Variants in CSMD2 observed in about 807,000 individuals in gnomAD.
CSMD2 encodes the protein CUB and Sushi multiple domains 2.
A neutral mutation model predicts 398.5 loss-of-function variants in CSMD2; 130 were observed. That is an observed-to-expected ratio of 0.33 (90% CI 0.28 to 0.38). The LOEUF is 0.38. Ranked by LOEUF, CSMD2 falls within the 10% of genes least tolerant of loss-of-function variation. The pLI is 1.00. For missense variants in CSMD2, 3,829 were observed against 4,764.9 expected, an observed-to-expected ratio of 0.80 and a Z score of 5.78; for synonymous variants, 1,828 against 1,908.5, an observed-to-expected ratio of 0.96 and a Z score of 1.10.
intron 3 of CSMD2, among the ~76,000 whole-genome samples, chr1:34,013,959 G>A (rs756578593): frequency 5.9e-5 from 9 of 152,016 alleles, no homozygotes; most frequent in Non-Finnish European, 8.8e-5. Context: ...CCTGATCTCC[G>A]CACCCCAAAC....
intron 66 of CSMD2, among the ~76,000 whole-genome samples, chr1:33,524,307 G>A (rs1005333773): frequency 2.0e-5 from 3 of 152,112 alleles, no homozygotes; most frequent in African/African-American, 7.2e-5. Flanking sequence ...ATTCATAAAT[G>A]TTTGACTCCC....
chr1:33,966,613 C>A (rs77125267), intron 3 of CSMD2, among the ~76,000 whole-genome samples: 1 of 151,964 alleles, frequency 6.6e-6, no homozygotes, highest in Non-Finnish European at 1.5e-5. Flanking sequence ...GAAAAGTAAG[C>A]GAGGGAGTCT....
chr1:33,591,621 T>G (rs2148769379), intron 44 of CSMD2, among the ~76,000 whole-genome samples: 1 of 152,236 alleles, frequency 6.6e-6, no homozygotes, highest in East Asian at 1.9e-4. Flanking sequence ...ACATGAGTGA[T>G]TCTTTTTATT....
At chr1:33,694,664 A>G (rs1351967676) in intron 24 of CSMD2, among the ~76,000 whole-genome samples, 2 of 152,216 alleles carry the variant, frequency 1.3e-5, no homozygotes, top group African/African-American at 4.8e-5. Context: ...CTGTGAGTCA[A>G]TTAAGCCTCT....
At chr1:33,790,314 C>T (rs1385390724) in intron 11 of CSMD2, among the ~76,000 whole-genome samples, 1 of 152,186 alleles carries the variant, frequency 6.6e-6, no homozygotes, top group African/African-American at 2.4e-5. Context: ...CTGAAATCGA[C>T]AGACTGAGTA....
intron 16 of CSMD2, 23 bp from the exon 17 acceptor site, chr1:33,725,559 C>G (rs1294656352): frequency 6.2e-7 from 1 of 1,610,998 alleles, no homozygotes. Flanking sequence ...AGAAATGAAG[C>G]CTTCTTGAGA....
intron 2 of CSMD2, among the ~76,000 whole-genome samples, 197 bp from the exon 3 acceptor site, chr1:34,032,903 CA>C (rs988945832): frequency 2.0e-5 from 3 of 152,218 alleles, no homozygotes; most frequent in African/African-American, 7.2e-5. Context: ...GTGACTCCGC[CA>C]AAGCCATGGT....
chr1:33,757,726 C>G (rs769237950), intron 13 of CSMD2, among the ~76,000 whole-genome samples: 2 of 152,190 alleles, frequency 1.3e-5, no homozygotes, highest in Non-Finnish European at 2.9e-5. Context: ...TCCTTCATTC[C>G]TTATCTCCAT....
At chr1:33,623,259 A>C in intron 36 of CSMD2, 111 bp downstream of exon 36, 1 of 784,116 alleles carries the variant, frequency 1.3e-6, no homozygotes, top group Non-Finnish European at 2.1e-6. Flanking sequence ...AAAATGGTGA[A>C]TTTCATGGAA....
chr1:34,011,075 G>A (rs533506195), intron 3 of CSMD2, among the ~76,000 whole-genome samples: 44 of 152,086 alleles, frequency 2.9e-4, no homozygotes, highest in African/African-American at 1.0e-3. Flanking sequence ...CCATGGTCCC[G>A]TGTCAACCCC....
intron 5 of CSMD2, among the ~76,000 whole-genome samples, chr1:33,848,878 A>T (rs1296622667): frequency 6.7e-6 from 1 of 148,602 alleles, no homozygotes; most frequent in Non-Finnish European, 1.5e-5. Context: ...GGCTATTTAT[A>T]TAAGGGAAGT....
chr1:33,641,588 T>C (rs974753656), intron 29 of CSMD2, among the ~76,000 whole-genome samples: 1 of 152,208 alleles, frequency 6.6e-6, no homozygotes, highest in Non-Finnish European at 1.5e-5. Context: ...GAAGTGCCTC[T>C]GATCAATGGT....
At chr1:33,586,769 C>T in intron 45 of CSMD2, 152 bp from the exon 46 acceptor site, 1 of 618,604 alleles carries the variant, frequency 1.6e-6, no homozygotes, top group Non-Finnish European at 2.9e-6. Context: ...CAGACGACTG[C>T]TCCCCTCTCA....
chr1:33,824,883 G>C (rs1340431904), intron 7 of CSMD2, among the ~76,000 whole-genome samples: 2 of 152,034 alleles, frequency 1.3e-5, no homozygotes, highest in East Asian at 3.9e-4. Context: ...ACCAAGGAAG[G>C]CTCCCTACCA....
At position 33,607,377 on chromosome 1, in the gene CSMD2, T is replaced by G. The variant is rs80247349; in HGVS notation, c.6344-1907A>C. ...ACTTCTAAGGAAAGTCGAGGGGCCA[T>G]AGAGAGCTGGGTCTGACAGAAACAG... On this transcript the variant is annotated intron_variant, in intron 41 of 70. Coordinates refer to ENST00000373381, the MANE Select transcript of CSMD2 (RefSeq NM_001281956.2). 9.8e-3 allele frequency among the ~76,000 whole-genome samples: 1,499 copies of G among 152,272 alleles called. 20 individuals carry two copies. The highest frequency in any genetic ancestry group is 0.033 in the African/African-American group (1,367 of 41,548).
rs184825584 is a variant in CSMD2 at position 33,678,878 on chromosome 1, A to G, written c.4052+14052T>C. On this transcript the variant is annotated intron_variant, in intron 25 of 70. Transcript: ENST00000373381. ...TAAAAGATTCTTTGGTTATTTTCTA[A>G]AGTGGAAAAATAAAACTGGGCTTCA... 4.6e-5 allele frequency among the ~76,000 whole-genome samples: 7 copies of G among 152,316 alleles called. No individual in the cohort carries two copies. The East Asian group carries it at 1.4e-3, about 29-fold the overall frequency.
Position 33,724,610 on chromosome 1 carries a change from G to C in CSMD2, c.2790C>G (p.Thr930=). Residue 930 remains threonine, a synonymous_variant, in exon 18 of 71, where the codon ACC becomes ACG. Coordinates refer to ENST00000373381, the MANE Select transcript of CSMD2 (RefSeq NM_001281956.2). ...GNDFYVGALV[T]FSCDSGYTLS... ...ATGTGTAGCCCGAGTCACAGCTGAA[G>C]GTCACCAGCGCGCCCACGTAGAAGT... The C allele has an allele frequency of 6.2e-7, 1 of 1,614,188 alleles. No homozygotes were observed. The highest frequency in any genetic ancestry group is 8.5e-7 in the Non-Finnish European group (1 of 1,180,042).
At chr1:33,699,045 GC>G in intron 23 of CSMD2, 101 bp from the exon 24 acceptor site, 1 of 977,112 alleles carries the variant, frequency 1.0e-6, no homozygotes, top group Non-Finnish European at 1.5e-6. Context: ...AGCTGTCTCA[GC>G]CACGGACCCT....
intron 13 of CSMD2, among the ~76,000 whole-genome samples, chr1:33,769,362 G>A (rs2149322225): frequency 6.6e-6 from 1 of 152,354 alleles, no homozygotes; most frequent in African/African-American, 2.4e-5. Flanking sequence ...AAGACAGGCA[G>A]TCAATAGCTT....
Sources: gnomAD v4.1 joint callset for allele counts (sites outside exome capture counted in the v4.1 genomes callset) on GRCh38, gnomAD v4.1.1 for gene constraint, MANE v1.5 for transcripts, NCBI Gene and HGNC (gene_info 2026-07-23, HGNC 2026-07-21) for gene names.